SOBP: variants seen among roughly 807,000 people sequenced by gnomAD.
SOBP encodes the protein sine oculis binding protein homolog.
Under a neutral mutation model 53.6 loss-of-function variants are expected in SOBP, and 4 were observed. The observed-to-expected ratio is 0.07, with a 90% CI of 0.04 to 0.17. The LOEUF is 0.17. SOBP is among the 10% of genes least tolerant of loss of function. The pLI is 1.00. For missense variants in SOBP, 1,088 were observed against 1,204.7 expected (o/e 0.90, Z 1.43); for synonymous variants, 584 against 522.6 (o/e 1.12, Z -1.60).
At chr6:107,604,661 C>T (rs1039999858) in intron 5 of SOBP, among the ~76,000 whole-genome samples, 1 of 152,160 alleles carries the variant, frequency 6.6e-6, no homozygotes, top group African/African-American at 2.4e-5. Flanking sequence ...AGGGGACAGG[C>T]GGGCTCTCTG....
At chr6:107,572,950 A>G (rs1785117418) in intron 4 of SOBP, among the ~76,000 whole-genome samples, 1 of 152,224 alleles carries the variant, frequency 6.6e-6, no homozygotes, top group African/African-American at 2.4e-5. Flanking sequence ...AATTCACCAT[A>G]CTGCAGTGCC....
chr6:107,506,421 C>G lies in SOBP; in HGVS notation c.415C>G (p.Pro139Ala). Reference sequence around the variant, plus strand: ...AATTCCACCACCTTTCATAAAGCCACCAGCAGGTAAGTCACTACTGGTGTT... The same window carrying G: ...AATTCCACCACCTTTCATAAAGCCAGCAGCAGGTAAGTCACTACTGGTGTT... ...PLIPPPFIKP[P>A]AEDDVSNVQI... Residue 139 changes from proline (P) to alanine (A), a missense_variant, in exon 3 of 7, where the codon CCA becomes GCA. By Grantham distance (27) the Pro-to-Ala change is conservative (BLOSUM62 -1). This residue lies in a region of SOBP where 112 missense variants were observed against 117.9 expected (regional missense o/e 0.95). Transcript: ENST00000317357. The G allele has an allele frequency of 3.1e-6, 5 of 1,614,038 alleles. No homozygotes were observed. Among genetic ancestry groups the G allele is most frequent in the Non-Finnish European group, 3.4e-6 (4 of 1,179,926 alleles).
At chr6:107,601,490 A>G (rs1786178640) in intron 5 of SOBP, among the ~76,000 whole-genome samples, 1 of 152,242 alleles carries the variant, frequency 6.6e-6, no homozygotes, top group African/African-American at 2.4e-5. Context: ...TTCTGAAACT[A>G]TTTAGATTAA....
chr6:107,627,583 T>C (rs1445264297), intron 5 of SOBP, among the ~76,000 whole-genome samples: 2 of 152,114 alleles, frequency 1.3e-5, no homozygotes, highest in African/African-American at 4.8e-5. Context: ...CCAAATCTTA[T>C]TTAAGAGAGA....
chr6:107,505,161 G>T (rs1289634230), intron 2 of SOBP, among the ~76,000 whole-genome samples: 1 of 151,974 alleles, frequency 6.6e-6, no homozygotes, highest in Non-Finnish European at 1.5e-5. Flanking sequence ...TTTCTCATTG[G>T]TTCATGTGAT....
chr6:107,619,829 C>T (rs1786938153), intron 5 of SOBP, among the ~76,000 whole-genome samples: 1 of 152,140 alleles, frequency 6.6e-6, no homozygotes, highest in African/African-American at 2.4e-5. Context: ...GGGTACGCCA[C>T]ACCCATAGCA....
At chr6:107,628,348 A>C (rs764785356) in intron 5 of SOBP, among the ~76,000 whole-genome samples, 2 of 152,174 alleles carry the variant, frequency 1.3e-5, no homozygotes, top group African/African-American at 2.4e-5. Flanking sequence ...CTCCTCTGTT[A>C]GCCCTGGGGA....
Position 107,627,487 on chromosome 6 carries a change from G to A in SOBP, c.670-6027G>A, listed in dbSNP as rs1583287261. Among the ~76,000 whole-genome samples, 5 of 152,332 alleles carry A rather than the reference G, an allele frequency of 3.3e-5. 1 individual carries two copies. The Middle Eastern group carries it at 0.017, about 518-fold the overall frequency. ...AATTTATAAGATAAGTAGAACTTGA[G>A]TCATGGTATAAAGTTCCTACAGGGC... is the stretch of plus-strand genomic sequence containing the variant. On this transcript the variant is annotated intron_variant, in intron 5 of 6. Transcript: ENST00000317357.
At chr6:107,571,901 CATT>C (rs902015187) in intron 4 of SOBP, among the ~76,000 whole-genome samples, 3 of 152,176 alleles carry the variant, frequency 2.0e-5, no homozygotes, top group African/African-American at 7.2e-5. Flanking sequence ...TGAGCATAAA[CATT>C]ATGTGGTACC....
chr6:107,555,768 A>G (rs1784591873), intron 4 of SOBP, among the ~76,000 whole-genome samples: 1 of 152,232 alleles, frequency 6.6e-6, no homozygotes, highest in African/African-American at 2.4e-5. Flanking sequence ...TCTGCCACAG[A>G]TAGCGCATGA....
chr6:107,506,858 C>T (rs2114950343), intron 3 of SOBP, among the ~76,000 whole-genome samples: 1 of 151,956 alleles, frequency 6.6e-6, no homozygotes, highest in African/African-American at 2.4e-5. Context: ...GAGTTTGAGA[C>T]CAGCCTGGCC....
Position 107,613,106 on chromosome 6 carries a change from T to G in SOBP, c.670-20408T>G, listed in dbSNP as rs527851687. Among the ~76,000 whole-genome samples the G allele has an allele frequency of 3.3e-5, 5 of 152,342 alleles. No individual in the cohort carries two copies. In the South Asian group the frequency reaches 1.0e-3, roughly 32 times the overall value. ...TAACAAGCTCTCCAGGTGACTCTGATGTACACTGAAGTTTGAGAAGCCCTG... is the reference window on the plus strand; with the variant it reads ...TAACAAGCTCTCCAGGTGACTCTGAGGTACACTGAAGTTTGAGAAGCCCTG... On this transcript the variant is annotated intron_variant, in intron 5 of 6. Transcript: ENST00000317357.
intron 4 of SOBP, among the ~76,000 whole-genome samples, chr6:107,543,457 G>T (rs1784209577): frequency 6.6e-6 from 1 of 152,206 alleles, no homozygotes; most frequent in African/African-American, 2.4e-5. Context: ...GGGAGGGTGG[G>T]CTATGACGAG....
chr6:107,594,641 A>T (rs771790666), intron 5 of SOBP, among the ~76,000 whole-genome samples: 2 of 152,228 alleles, frequency 1.3e-5, no homozygotes, highest in African/African-American at 4.8e-5. Context: ...CATATCTGCC[A>T]TAGCAAATGG....
rs572449474 is a variant in SOBP, at chr6:107,539,483, C to A, written c.573+5873C>A. Reference sequence around the variant, plus strand: ...ACATAGTACATCTCTGGCCATCCTTCTGGTGAAGGCTAATGCTGTTCACTT... The same window carrying A: ...ACATAGTACATCTCTGGCCATCCTTATGGTGAAGGCTAATGCTGTTCACTT... On this transcript the variant is annotated intron_variant, in intron 4 of 6. Coordinates refer to ENST00000317357, the MANE Select transcript of SOBP (RefSeq NM_018013.4). 2.6e-5 allele frequency among the ~76,000 whole-genome samples: 4 copies of A among 152,314 alleles called. No individual in the cohort carries two copies. The South Asian group carries it at 8.3e-4, about 32-fold the overall frequency.
chr6:107,596,403 T>A (rs1785949912), intron 5 of SOBP, among the ~76,000 whole-genome samples: 1 of 152,228 alleles, frequency 6.6e-6, no homozygotes, highest in South Asian at 2.1e-4. Context: ...CATATCTCCC[T>A]GGTTCTAGTT....
intron 1 of SOBP, among the ~76,000 whole-genome samples, chr6:107,495,381 G>A (rs1264460676): frequency 6.6e-6 from 1 of 152,174 alleles, no homozygotes; most frequent in Non-Finnish European, 1.5e-5. Flanking sequence ...GAGTTTTCTG[G>A]GAAGAGTCTC....
At chr6:107,638,343 T>A (rs1771149182) in intron 6 of SOBP, among the ~76,000 whole-genome samples, 1 of 152,206 alleles carries the variant, frequency 6.6e-6, no homozygotes, top group South Asian at 2.1e-4. Flanking sequence ...CCTGAGTAGC[T>A]GGGGTTATAG....
intron 3 of SOBP, among the ~76,000 whole-genome samples, chr6:107,526,143 G>C (rs1194741777): frequency 2.0e-5 from 3 of 152,030 alleles, no homozygotes; most frequent in African/African-American, 7.2e-5. Context: ...AGTAAAGACA[G>C]TGTTTTACCA....
Sources: gnomAD v4.1 joint callset for allele counts (sites outside exome capture counted in the v4.1 genomes callset) on GRCh38, gnomAD v4.1.1 for gene constraint, gnomAD v4.1.1 regional missense constraint, MANE v1.5 for transcripts, NCBI Gene and HGNC (gene_info 2026-07-23, HGNC 2026-07-21) for gene names.